Variants in MLLT6 observed in about 807,000 individuals in gnomAD.
MLLT6 encodes the protein MLLT6, PHD finger containing, also known as protein AF-17.
A neutral mutation model predicts 103.0 loss-of-function variants in MLLT6; 22 were observed. The observed-to-expected ratio is 0.21, with a 90% CI of 0.15 to 0.31. MLLT6 has a LOEUF of 0.31. Among genes scored for constraint, MLLT6 ranks in the 10% least tolerant of loss-of-function variants. The pLI, the probability that MLLT6 is intolerant of heterozygous loss-of-function variation, is 1.00. For missense variants in MLLT6, 1,199 were observed against 1,441.7 expected (o/e 0.83, Z 2.73); for synonymous variants, 606 against 623.5 (o/e 0.97, Z 0.42).
chr17:38,705,900 T>C (rs1904893142), intron 1 of MLLT6, among the ~76,000 whole-genome samples, 159 bp downstream of exon 1: 1 of 151,278 alleles, frequency 6.6e-6, no homozygotes, highest in Non-Finnish European at 1.5e-5. Flanking sequence ...CGCCCGGTCC[T>C]GGAAGACCGG....
At chr17:38,722,634 T>TGGGGGGGGGGGGGG in intron 17 of MLLT6, 44 bp from the exon 18 acceptor site, 1 of 532,156 alleles carries the variant, frequency 1.9e-6, no homozygotes. Flanking sequence ...CCCTCCCCCA[T>TGGGGGGGGGGGGGG]GGTCTGTGTG....
chr17:38,709,013 A>G lies in MLLT6; in HGVS notation c.355-160A>G. 1 of 623,848 alleles carries G rather than the reference A, an allele frequency of 1.6e-6. No homozygotes were observed. The highest frequency in any genetic ancestry group is 2.8e-6 in the Non-Finnish European group (1 of 356,540). The allele number at this position is 623,848 out of a possible 1,614,324, so 38.6% of individuals were successfully genotyped here. A position where few individuals can be genotyped will look rare whatever the true frequency, so the allele number is the denominator to read the frequency against. ...ATGTGACTGGTGGCATTTGTCTTGG[A>G]CGGCGCAGACCATAGAGCGTTTTCA... On this transcript the variant is annotated intron_variant, in intron 4 of 19. Coordinates refer to ENST00000621332, the MANE Select transcript of MLLT6 (RefSeq NM_005937.4). The surrounding 1 kb of genome is among the most constrained non-coding windows in gnomAD (Gnocchi z 4.3).
At chr17:38,711,729 T>TA in intron 6 of MLLT6, 118 bp from the exon 7 acceptor site, 1 of 1,300,050 alleles carries the variant, frequency 7.7e-7, no homozygotes, top group African/African-American at 1.5e-5. Context: ...GAGGTCCTCT[T>TA]AGTGACAGAC....
chr17:38,722,361 G>C (rs960826301), intron 17 of MLLT6, 134 bp downstream of exon 17: 44 of 698,920 alleles, frequency 6.3e-5, no homozygotes, highest in Admixed American at 5.5e-4. Context: ...TATAATCCTA[G>C]TCACCTCTTG....
At chr17:38,713,466 A>T (rs1905214841) in intron 8 of MLLT6, 2 of 197,470 alleles carry the variant, frequency 1.0e-5, no homozygotes, top group African/African-American at 2.3e-5. Flanking sequence ...GTGGGGGGAG[A>T]TGGAGAAACT....
intron 16 of MLLT6, chr17:38,721,140 C>T (rs574774114): frequency 3.0e-4 from 73 of 244,754 alleles, no homozygotes; most frequent in African/African-American, 1.6e-3. Flanking sequence ...TTTATTATAG[C>T]GCCTCACACA....
chr17:38,719,053 A>G (rs1270061697), intron 12 of MLLT6: 1 of 206,542 alleles, frequency 4.8e-6, no homozygotes, highest in Non-Finnish European at 9.9e-6. Context: ...TAATAGCTGC[A>G]GTCATTAAGG....
Position 38,726,342 on chromosome 17 carries a change from T to A in MLLT6, c.*744T>A, listed in dbSNP as rs11543289. The A allele has an allele frequency of 0.42, 97,935 of 232,028 alleles. 24,537 individuals are homozygous for A. Among genetic ancestry groups the A allele is most frequent in the African/African-American group, 0.77 (34,743 of 45,060 alleles). 14.4% of individuals were successfully genotyped at this position (232,028 alleles called of 1,614,324 possible). ...GAGGGTGGGGAGATGGAGCTGCCCG[T>A]CTCAGTGTGTGAGTGTGTGTGTGCG... is the stretch of plus-strand genomic sequence containing the variant. On this transcript the variant is annotated 3_prime_UTR_variant, in exon 20 of 20. Transcript: ENST00000621332.
chr17:38,726,239 G>A lies in MLLT6; in HGVS notation c.*641G>A. 4.3e-6 allele frequency: 1 copy of A among 234,168 alleles called. No individual in the cohort carries two copies. Among genetic ancestry groups the A allele is most frequent in the Non-Finnish European group, 8.4e-6 (1 of 118,382 alleles). The allele number at this position is 234,168 out of a possible 1,614,324, so 14.5% of individuals were successfully genotyped here. A position where few individuals can be genotyped will look rare whatever the true frequency, so the allele number is the denominator to read the frequency against. ...ACCTCTTGGGGCCCCGTGATGGGGA[G>A]GAGAGGGCAGGTGCGGGGAGGCTCT... On this transcript the variant is annotated 3_prime_UTR_variant, in exon 20 of 20. Transcript: ENST00000621332.
intron 8 of MLLT6, 82 bp from the exon 9 acceptor site, chr17:38,715,530 T>A: frequency 3.4e-6 from 5 of 1,485,294 alleles, no homozygotes; most frequent in Non-Finnish European, 3.6e-6. Flanking sequence ...CTAGGTCCTG[T>A]GCCCTCCTGC....
intron 6 of MLLT6, among the ~76,000 whole-genome samples, chr17:38,711,471 C>A (rs142436067): frequency 6.6e-6 from 1 of 152,068 alleles, no homozygotes; most frequent in Non-Finnish European, 1.5e-5. Context: ...GTCCCCTGCA[C>A]GCCCTCTGCT....
intron 2 of MLLT6, among the ~76,000 whole-genome samples, chr17:38,707,252 CT>C (rs1567922486): frequency 1.3e-5 from 2 of 152,164 alleles, no homozygotes; most frequent in Non-Finnish European, 2.9e-5. Context: ...TCTGTTTGAA[CT>C]TTTTTATTAT....
intron 12 of MLLT6, 28 bp downstream of exon 12, chr17:38,717,981 C>T (rs1348758601): frequency 1.3e-6 from 2 of 1,500,050 alleles, no homozygotes; most frequent in African/African-American, 1.4e-5. Context: ...CCCCTCTCCC[C>T]TTTCTTCCCA....
chr17:38,707,964 C>A, intron 4 of MLLT6, 92 bp downstream of exon 4: 2 of 858,928 alleles, frequency 2.3e-6, no homozygotes, highest in Non-Finnish European at 3.8e-6. Flanking sequence ...TGATTCTGTC[C>A]AACGAGCACT....
At chr17:38,713,122 C>T (rs1350240481) in intron 8 of MLLT6, 4 of 718,238 alleles carry the variant, frequency 5.6e-6, no homozygotes, top group Non-Finnish European at 2.6e-6. Flanking sequence ...GGCCCCTGTC[C>T]CCAGAGATCG....
chr17:38,728,950 G>C lies in MLLT6; in HGVS notation c.*3352G>C, dbSNP rs1458834346. 4.3e-6 allele frequency: 1 copy of C among 233,724 alleles called. No individual in the cohort carries two copies. The highest frequency in any genetic ancestry group is 6.0e-5 in the East Asian group (1 of 16,604). The allele number at this position is 233,724 out of a possible 1,614,324, so 14.5% of individuals were successfully genotyped here. On this transcript the variant is annotated 3_prime_UTR_variant, in exon 20 of 20. Transcript: ENST00000621332. ...GGGTATTTTCCCCCTCAGGCTCCTGGGTCTGCTGCTGCCTCAAGGTGTCCT... is the reference window on the plus strand; with the variant it reads ...GGGTATTTTCCCCCTCAGGCTCCTGCGTCTGCTGCTGCCTCAAGGTGTCCT...
rs1445361541 is a variant in MLLT6, at chr17:38,722,137, G to A, written c.2702G>A (p.Gly901Glu). 2.2e-6 allele frequency: 3 copies of A among 1,376,818 alleles called. No homozygotes were observed. The highest frequency in any genetic ancestry group is 2.8e-6 in the Non-Finnish European group (3 of 1,071,042). 85.3% of individuals were successfully genotyped at this position (1,376,818 alleles called of 1,614,324 possible). A position where few individuals can be genotyped will look rare whatever the true frequency, so the allele number is the denominator to read the frequency against. The change falls in exon 17 of 20, where the codon GGG (glycine) becomes GAG (glutamate). Residue 901 changes from glycine to glutamate, a missense_variant. Coordinates refer to ENST00000621332, the MANE Select transcript of MLLT6 (RefSeq NM_005937.4). ...GGCCTGCCCCTCAATGGGCTCCTTG[G>A]GGGGTTGAATGGGGCCGCTGCCCCC... Reference protein sequence around the residue: ...SGGLPLNGLLGGLNGAAAPNP... With the variant: ...SGGLPLNGLLEGLNGAAAPNP...
chr17:38,720,219 G>T, intron 14 of MLLT6, 153 bp from the exon 15 acceptor site: 1 of 794,956 alleles, frequency 1.3e-6, no homozygotes, highest in South Asian at 1.8e-5. Context: ...CCCAAGTCCC[G>T]CCTCTCTTCT....
Position 38,716,674 on chromosome 17 carries a change from G to A in MLLT6, c.1344G>A (p.Leu448=). The change falls in exon 10 of 20, where the codon CTG becomes CTA. Residue 448 remains leucine (L), a synonymous_variant. Coordinates refer to ENST00000621332, the MANE Select transcript of MLLT6 (RefSeq NM_005937.4). This position sits in a 1 kb window ranked among gnomAD's most constrained non-coding sequence, Gnocchi z 5.6. ...GCACCCACAAACGGATGCCCGCACT[G>A]AGTGCCACCCCTGTGCCTGCTGATG... ...SAGTHKRMPA[L]SATPVPADET... 1 of 1,613,222 alleles carries A rather than the reference G, an allele frequency of 6.2e-7. No individual in the cohort carries two copies. Among genetic ancestry groups the A allele is most frequent in the Non-Finnish European group, 8.5e-7 (1 of 1,179,782 alleles).
Sources: allele counts gnomAD v4.1 joint callset (sites outside exome capture counted in the v4.1 genomes callset), GRCh38; gene constraint gnomAD v4.1.1; non-coding constraint Gnocchi (gnomAD v3.1); transcripts MANE v1.5; gene names NCBI Gene and HGNC (gene_info 2026-07-23, HGNC 2026-07-21).